Variants in ARHGAP26 observed in about 807,000 individuals in gnomAD.
ARHGAP26 encodes the protein Rho GTPase activating protein 26, also known as rho GTPase-activating protein 26.
In ARHGAP26, 38 loss-of-function variants were observed where a neutral mutation model predicts 104.8. The ratio of observed to expected loss-of-function variants is 0.36; its 90% CI spans 0.28 to 0.48. The LOEUF is 0.48. ARHGAP26 is among the 20% of genes least tolerant of loss of function. The pLI is 0.99. For synonymous variants in ARHGAP26, 341 were observed against 340.0 expected (o/e 1.00, Z -0.03); for missense variants, 704 against 947.9 (o/e 0.74, Z 3.38).
At chr5:142,930,715 C>T (rs1339352290) in intron 10 of ARHGAP26, among the ~76,000 whole-genome samples, 1 of 152,154 alleles carries the variant, frequency 6.6e-6, no homozygotes, top group Non-Finnish European at 1.5e-5. Flanking sequence ...CACCCCTACC[C>T]CATGCCCCTT....
chr5:142,789,469 C>A (rs1223354292), intron 1 of ARHGAP26, among the ~76,000 whole-genome samples: 1 of 152,092 alleles, frequency 6.6e-6, no homozygotes, highest in Non-Finnish European at 1.5e-5. Flanking sequence ...GTTTGGGAGG[C>A]TGAGTTATCA....
chr5:143,206,427 C>A (rs1157521785), intron 20 of ARHGAP26, among the ~76,000 whole-genome samples: 1 of 152,232 alleles, frequency 6.6e-6, no homozygotes, highest in African/African-American at 2.4e-5. Context: ...CCTTTCCTCT[C>A]CAAACTTTTG....
intron 11 of ARHGAP26, among the ~76,000 whole-genome samples, chr5:142,985,952 T>A (rs113766287): frequency 0.034 from 5,178 of 152,186 alleles, 308 homozygotes; most frequent in African/African-American, 0.12. Context: ...TTGTGAATAG[T>A]GCCGCAATAA....
chr5:143,047,048 A>AT (rs1784343342), intron 14 of ARHGAP26, among the ~76,000 whole-genome samples: 1 of 152,210 alleles, frequency 6.6e-6, no homozygotes, highest in Admixed American at 6.5e-5. Flanking sequence ...CTATTGTCAC[A>AT]TGTCATTCAA....
chr5:142,791,647 C>T (rs1027658478), intron 1 of ARHGAP26, among the ~76,000 whole-genome samples: 3 of 152,082 alleles, frequency 2.0e-5, no homozygotes, highest in African/African-American at 7.2e-5. Context: ...TATATATTCT[C>T]CTCCCTACCC....
chr5:142,823,530 TG>T (rs373636480), intron 1 of ARHGAP26, among the ~76,000 whole-genome samples: 30 of 152,270 alleles, frequency 2.0e-4, no homozygotes, highest in Middle Eastern at 3.4e-3. Context: ...TTTTTGTTTT[TG>T]GAACAAACTC....
In ARHGAP26 at chr5:143,132,283, C is replaced by G. The variant is rs553486225; in HGVS notation, c.1699-1684C>G. Among the ~76,000 whole-genome samples, 6 of 152,016 alleles carry G rather than the reference C, an allele frequency of 3.9e-5. No homozygotes were observed. The East Asian group carries it at 1.2e-3, about 30-fold the overall frequency. ...AATTCTTATGATTTTGTTTCCTACA[C>G]ATCGGCTTTTGAGTTCTGTTTTTAA... On this transcript the variant is annotated intron_variant, in intron 18 of 22. Transcript: ENST00000645722.
At chr5:143,018,833 A>G (rs1779925334) in intron 12 of ARHGAP26, among the ~76,000 whole-genome samples, 1 of 152,176 alleles carries the variant, frequency 6.6e-6, no homozygotes. Flanking sequence ...ATCCTTCTGT[A>G]TAAATTCTAT....
At chr5:143,034,983 C>T (rs1036596) in intron 12 of ARHGAP26, among the ~76,000 whole-genome samples, 40,049 of 152,108 alleles carry the variant, frequency 0.26, 9,793 homozygotes, top group African/African-American at 0.65. Context: ...TTAATAGGCT[C>T]CTTACCATTT....
intron 10 of ARHGAP26, among the ~76,000 whole-genome samples, chr5:142,928,874 T>C (rs996793827): frequency 7.5e-6 from 1 of 134,150 alleles, no homozygotes; most frequent in Non-Finnish European, 1.5e-5. Context: ...TAAAAAGAGC[T>C]CTGATATTTA....
intron 11 of ARHGAP26, among the ~76,000 whole-genome samples, chr5:142,988,256 A>G (rs949908791): frequency 1.3e-5 from 2 of 152,152 alleles, no homozygotes; most frequent in Non-Finnish European, 2.9e-5. Context: ...CATTTCTTCT[A>G]GATTTTCTAG....
intron 17 of ARHGAP26, chr5:143,058,128 T>C: frequency 2.2e-6 from 1 of 451,010 alleles, no homozygotes; most frequent in African/African-American, 2.0e-5. Flanking sequence ...GTTTACAGAA[T>C]TTGGGTTTTT....
intron 19 of ARHGAP26, among the ~76,000 whole-genome samples, chr5:143,146,341 A>G (rs1193582666): frequency 2.6e-5 from 4 of 152,226 alleles, no homozygotes; most frequent in Non-Finnish European, 5.9e-5. Context: ...TTTACAAGAT[A>G]CATTCCTGCC....
intron 12 of ARHGAP26, among the ~76,000 whole-genome samples, chr5:143,022,028 G>A (rs539166410): frequency 6.6e-6 from 1 of 152,276 alleles, no homozygotes; most frequent in South Asian, 2.1e-4. Context: ...TTATTTTGAT[G>A]TGTATTGTGG....
intron 12 of ARHGAP26, among the ~76,000 whole-genome samples, chr5:143,035,763 CT>C (rs1300300143): frequency 6.6e-6 from 1 of 151,920 alleles, no homozygotes; most frequent in East Asian, 1.9e-4. Context: ...TGGTGAAACT[CT>C]GTCTCTACTA....
At chr5:143,209,011 G>C (rs1809023277) in intron 21 of ARHGAP26, among the ~76,000 whole-genome samples, 1 of 152,176 alleles carries the variant, frequency 6.6e-6, no homozygotes, top group Admixed American at 6.5e-5. Context: ...AGTGACCACA[G>C]ACAAGTCAGC....
chr5:143,053,313 A>T (rs115159237), intron 14 of ARHGAP26, among the ~76,000 whole-genome samples: 1,903 of 152,296 alleles, frequency 0.012, 37 homozygotes, highest in African/African-American at 0.044. Flanking sequence ...GGAAAAAGTA[A>T]GAAAAGGGTT....
chr5:143,181,828 G>A (rs58337098), intron 20 of ARHGAP26, among the ~76,000 whole-genome samples: 9,423 of 152,076 alleles, frequency 0.062, 926 homozygotes, highest in African/African-American at 0.21. Context: ...CAATGCCTCC[G>A]ATTCAGGAAT....
intron 19 of ARHGAP26, among the ~76,000 whole-genome samples, chr5:143,141,310 G>A (rs1798507869): frequency 6.6e-6 from 1 of 152,178 alleles, no homozygotes; most frequent in Non-Finnish European, 1.5e-5. Flanking sequence ...AGTGAACAAA[G>A]CAGATACCAT....
Sources: allele counts gnomAD v4.1 joint callset (sites outside exome capture counted in the v4.1 genomes callset), GRCh38; gene constraint gnomAD v4.1.1; transcripts MANE v1.5; gene names NCBI Gene and HGNC (gene_info 2026-07-23, HGNC 2026-07-21).